The following SERPINB8 variants were observed in gnomAD, a reference collection of about 807,000 sequenced individuals.
The protein encoded by SERPINB8 is serpin B8.
In SERPINB8, 25 loss-of-function variants were observed where a neutral mutation model predicts 35.3. The observed-to-expected ratio is 0.71, with a 90% confidence interval of 0.52 to 0.99. The LOEUF is 0.99. SERPINB8 is among the 50% of genes least tolerant of loss of function. The probability of loss-of-function intolerance (pLI) is 0.00; values close to 1 mark genes in which losing one functional copy is unlikely to be tolerated. For missense variants in SERPINB8, 484 were observed against 446.5 expected, an observed-to-expected ratio of 1.08 and a Z score of -0.76; for synonymous variants, 186 against 160.8, an observed-to-expected ratio of 1.16 and a Z score of -1.19.
chr18:63,973,792 G>A (rs981051096), intron 1 of SERPINB8, among the ~76,000 whole-genome samples: 15 of 152,162 alleles, frequency 9.9e-5, no homozygotes, highest in Admixed American at 9.8e-4. Flanking sequence ...AGATCAGATG[G>A]TTGTAGATGT....
At chr18:63,994,545 C>T (rs142413062) in intron 1 of SERPINB8, among the ~76,000 whole-genome samples, 1 of 152,096 alleles carries the variant, frequency 6.6e-6, no homozygotes, top group Non-Finnish European at 1.5e-5. Flanking sequence ...CGCAGGGCAC[C>T]CTTAGAGTGT....
intron 1 of SERPINB8, among the ~76,000 whole-genome samples, chr18:63,975,346 G>A (rs2050564596): frequency 6.6e-6 from 1 of 152,170 alleles, no homozygotes; most frequent in East Asian, 1.9e-4. Context: ...AAATGTCCTC[G>A]AGTGAAAGAT....
intron 1 of SERPINB8, among the ~76,000 whole-genome samples, chr18:63,978,063 A>G (rs558694371): frequency 2.6e-5 from 4 of 152,186 alleles, no homozygotes; most frequent in African/African-American, 9.6e-5. Flanking sequence ...CATTAAGCCC[A>G]CTGGGATAAC....
intron 1 of SERPINB8, among the ~76,000 whole-genome samples, chr18:63,998,993 T>A (rs1282004445): frequency 6.6e-6 from 1 of 152,186 alleles, no homozygotes; most frequent in East Asian, 1.9e-4. Flanking sequence ...ATTCTAAGAA[T>A]GAATTAAGAG....
chr18:63,999,638 C>T (rs2050865322), intron 1 of SERPINB8, among the ~76,000 whole-genome samples: 1 of 152,176 alleles, frequency 6.6e-6, no homozygotes, highest in Non-Finnish European at 1.5e-5. Flanking sequence ...TCTTACACTC[C>T]CAACCCGATG....
At chr18:64,010,190 A>G (rs1399126828), downstream of SERPINB8, among the ~76,000 whole-genome samples, 1 of 152,142 alleles carries the variant, frequency 6.6e-6, no homozygotes, top group African/African-American at 2.4e-5. Context: ...AAGATGTTCA[A>G]TCTCATTAAT....
chr18:64,017,454 A>G (rs984260385), intron 7 of SERPINB8, among the ~76,000 whole-genome samples: 2 of 152,184 alleles, frequency 1.3e-5, no homozygotes, highest in Non-Finnish European at 2.9e-5. Flanking sequence ...CCATAGGTCA[A>G]TCTGATTGAC....
chr18:63,978,775 C>G (rs554763218), intron 2 of SERPINB8, among the ~76,000 whole-genome samples: 3 of 152,300 alleles, frequency 2.0e-5, no homozygotes, highest in African/African-American at 7.2e-5. Context: ...TTCTGTCCCA[C>G]AAGAAAGCAA....
downstream of SERPINB8, among the ~76,000 whole-genome samples, chr18:64,009,135 CA>C (rs1258708377): frequency 6.6e-6 from 1 of 151,994 alleles, no homozygotes; most frequent in Admixed American, 6.5e-5. Flanking sequence ...TGATAATTAA[CA>C]AAAAATAAGC....
rs73961868 is a variant in SERPINB8, at chr18:64,000,464, T to C, written c.71-4355T>C. 3.3e-3 allele frequency among the ~76,000 whole-genome samples: 503 copies of C among 152,284 alleles called. 3 individuals carry two copies. Among genetic ancestry groups the C allele is most frequent in the African/African-American group, 0.012 (487 of 41,558 alleles). On this transcript the variant is annotated intron_variant, in intron 1 of 1. Coordinates refer to the SERPINB8 transcript ENST00000493661. Reference sequence around the variant, plus strand: ...ATCTTTCAGGCCCAACCATATGCAATTACAGATATTCTACTCTTGGGTGAA... The same window carrying C: ...ATCTTTCAGGCCCAACCATATGCAACTACAGATATTCTACTCTTGGGTGAA...
intron 4 of SERPINB8, among the ~76,000 whole-genome samples, chr18:63,982,913 T>G: frequency 6.6e-6 from 1 of 151,112 alleles, no homozygotes; most frequent in Admixed American, 6.6e-5. Flanking sequence ...ACCCCCCTAA[T>G]TCCTTTGCCC....
chr18:63,985,967 G>A (rs189899688), intron 6 of SERPINB8, among the ~76,000 whole-genome samples: 1 of 152,278 alleles, frequency 6.6e-6, no homozygotes, highest in East Asian at 1.9e-4. Flanking sequence ...TCTACTGAGG[G>A]TTTAACAATT....
At chr18:63,995,753 T>A (rs2144836982) in intron 1 of SERPINB8, among the ~76,000 whole-genome samples, 1 of 152,330 alleles carries the variant, frequency 6.6e-6, no homozygotes, top group Non-Finnish European at 1.5e-5. Flanking sequence ...AGGAATTCCA[T>A]CTAGGTCCTT....
At chr18:63,986,614 A>G (rs2050758812) in intron 6 of SERPINB8, 19 of 1,323,582 alleles carry the variant, frequency 1.4e-5, no homozygotes, top group Non-Finnish European at 1.8e-5. Context: ...GAAAGGAGTT[A>G]GGTACAAATT....
At chr18:64,001,320 C>G (rs1599165777) in intron 1 of SERPINB8, among the ~76,000 whole-genome samples, 1 of 152,118 alleles carries the variant, frequency 6.6e-6, no homozygotes, top group African/African-American at 2.4e-5. Flanking sequence ...CTAAAAATCA[C>G]TGCATTGCAC....
intron 7 of SERPINB8, among the ~76,000 whole-genome samples, chr18:64,016,049 C>A (rs530160120): frequency 2.0e-5 from 3 of 152,188 alleles, no homozygotes; most frequent in East Asian, 1.9e-4. Context: ...ACCCTAGACA[C>A]TTTTCCCCCC....
chr18:63,970,174 G>T lies in SERPINB8; in HGVS notation c.-11+4G>T. ...GCAGCAGCAGCAGCAGCAGGAGGTG[G>T]GGGCCTCTGCCAGGTACCGGGCGGG... On this transcript the variant is annotated splice_donor_region_variant and intron_variant, in intron 1 of 6. Coordinates refer to ENST00000397985, the MANE Select transcript of SERPINB8 (RefSeq NM_002640.4). 1 of 346,784 alleles carries T rather than the reference G, an allele frequency of 2.9e-6. No individual in the cohort carries two copies. The highest frequency in any genetic ancestry group is 5.7e-6 in the Non-Finnish European group (1 of 175,554). The allele number at this position is 346,784 out of a possible 1,614,324, so 21.5% of individuals were successfully genotyped here.
At chr18:64,007,070 C>A (rs2050903318), downstream of SERPINB8, among the ~76,000 whole-genome samples, 1 of 151,422 alleles carries the variant, frequency 6.6e-6, no homozygotes. Context: ...AAAATAACCT[C>A]CAGAAAGATT....
intron 4 of SERPINB8, 148 bp downstream of exon 4, chr18:63,981,986 C>G (rs1599143822): frequency 1.1e-5 from 7 of 611,130 alleles, no homozygotes; most frequent in Non-Finnish European, 2.0e-5. Flanking sequence ...GCCAGCAATG[C>G]AACTCTGTCA....
Sources: gnomAD v4.1 joint callset for allele counts (sites outside exome capture counted in the v4.1 genomes callset) on GRCh38, gnomAD v4.1.1 for gene constraint, MANE v1.5 for transcripts, NCBI Gene and HGNC (gene_info 2026-07-23, HGNC 2026-07-21) for gene names.